The following ETFA variants were observed in gnomAD, a reference collection of about 807,000 sequenced individuals.
The protein encoded by ETFA is electron transfer flavoprotein subunit alpha, also known as electron transfer flavoprotein subunit alpha, mitochondrial.
A neutral mutation model predicts 46.2 loss-of-function variants in ETFA; 22 were observed. The ratio of observed to expected loss-of-function variants is 0.48; its 90% CI spans 0.34 to 0.68. The LOEUF (loss-of-function observed/expected upper bound fraction) is 0.68, where lower values mean the gene tolerates loss of function less well. Ranked by LOEUF, ETFA falls within the 30% of genes least tolerant of loss-of-function variation. The pLI, the probability that ETFA is intolerant of heterozygous loss-of-function variation, is 0.01. For synonymous variants in ETFA, 131 were observed against 139.9 expected (o/e 0.94, Z 0.45); for missense variants, 345 against 401.1 (o/e 0.86, Z 1.19).
At chr15:76,288,920 C>CTTCTTTTTT (rs1225461781) in intron 4 of ETFA, among the ~76,000 whole-genome samples, 31 of 110,088 alleles carry the variant, frequency 2.8e-4, no homozygotes, top group African/African-American at 8.0e-4. Flanking sequence ...TCTTCTTCTT[C>CTTCTTTTTT]TTTTTTTTTT....
chr15:76,236,229 C>T (rs1041081378), intron 9 of ETFA, among the ~76,000 whole-genome samples: 4 of 152,170 alleles, frequency 2.6e-5, no homozygotes, highest in African/African-American at 9.7e-5. Flanking sequence ...CATTTTCGCT[C>T]ATCACTGTTA....
intron 9 of ETFA, among the ~76,000 whole-genome samples, chr15:76,238,553 T>A (rs2039150805): frequency 6.6e-6 from 1 of 152,148 alleles, no homozygotes; most frequent in African/African-American, 2.4e-5. Context: ...CTTTTCTCAA[T>A]AGACTACACA....
Position 76,286,427 on chromosome 15 carries a change from C to T in ETFA, c.506G>A (p.Arg169His), listed in dbSNP as rs375660532. ...CDEKVKVFSVRGTSFDAAATS... is the reference protein window; with the variant it reads ...CDEKVKVFSVHGTSFDAAATS... ...TGCTGCAGCATCAAAGGATGTTCCA[C>T]GGACAGAAAACACTTTCACTTTCTC... The change falls in exon 6 of 12, where the codon CGT (arginine) becomes CAT (histidine). Residue 169 changes from arginine (R) to histidine (H), a missense_variant. Physicochemically the swap from Arg to His is conservative, Grantham distance 29. Coordinates refer to ENST00000557943, the MANE Select transcript of ETFA (RefSeq NM_000126.4). 6 of 1,613,610 alleles carry T rather than the reference C, an allele frequency of 3.7e-6. No homozygotes were observed. Among genetic ancestry groups the T allele is most frequent in the Admixed American group, 3.3e-5 (2 of 59,994 alleles).
At chr15:76,222,050 C>T (rs1478405253) in intron 11 of ETFA, among the ~76,000 whole-genome samples, 2 of 151,798 alleles carry the variant, frequency 1.3e-5, no homozygotes, top group Non-Finnish European at 2.9e-5. Context: ...CTAAAAAAGT[C>T]CTTTCTGTAC....
chr15:76,258,378 G>A (rs1217080072), intron 9 of ETFA, among the ~76,000 whole-genome samples: 3 of 151,962 alleles, frequency 2.0e-5, no homozygotes, highest in Admixed American at 2.0e-4. Context: ...TGTGTGACCC[G>A]GTCAGCTGCA....
intron 1 of ETFA, among the ~76,000 whole-genome samples, chr15:76,300,351 T>C: frequency 6.6e-6 from 1 of 152,144 alleles, no homozygotes; most frequent in Non-Finnish European, 1.5e-5. Context: ...CCCATACTGC[T>C]ACTTCTCCAG....
intron 1 of ETFA, among the ~76,000 whole-genome samples, chr15:76,296,987 A>T (rs1363735185): frequency 6.6e-6 from 1 of 152,240 alleles, no homozygotes; most frequent in East Asian, 1.9e-4. Context: ...GGAAAAAATA[A>T]AATCTTGGAA....
chr15:76,227,530 G>GAAAAAAAAAAAAAAAAAAAAAA (rs1567196426), intron 10 of ETFA, among the ~76,000 whole-genome samples: 1 of 44,982 alleles, frequency 2.2e-5, no homozygotes, highest in African/African-American at 7.8e-5. Context: ...AAAAAAAAAG[G>GAAAAAAAAAAAAAAAAAAAAAA]AAAAGCTATC....
intron 9 of ETFA, among the ~76,000 whole-genome samples, chr15:76,238,802 A>C (rs1173022417): frequency 2.0e-5 from 3 of 152,200 alleles, no homozygotes; most frequent in African/African-American, 7.2e-5. Flanking sequence ...AATCCTGTTT[A>C]AGTCTCTTCT....
intron 9 of ETFA, among the ~76,000 whole-genome samples, chr15:76,232,741 C>A (rs960783428): frequency 6.6e-6 from 1 of 152,178 alleles, no homozygotes. Flanking sequence ...CAGGGGCTCA[C>A]TTTTTCCAAT....
intron 1 of ETFA, among the ~76,000 whole-genome samples, chr15:76,307,038 T>C (rs1050485702): frequency 6.6e-5 from 10 of 152,196 alleles, no homozygotes; most frequent in Admixed American, 5.9e-4. Flanking sequence ...ACCAGTTTCA[T>C]AGCTTCTCAG....
At chr15:76,220,241 A>AT (rs1431287020) in intron 11 of ETFA, among the ~76,000 whole-genome samples, 1 of 151,846 alleles carries the variant, frequency 6.6e-6, no homozygotes, top group African/African-American at 2.4e-5. Context: ...TAATTTTTGT[A>AT]TTTTTTGGTA....
rs528044408 is a variant in ETFA at position 76,259,774 on chromosome 15, G to C, written c.816+14638C>G. On this transcript the variant is annotated intron_variant, in intron 9 of 11. Coordinates refer to ENST00000557943, the MANE Select transcript of ETFA (RefSeq NM_000126.4). ...GGTCTCGGTGGATGAAGTTCCGAGA[G>C]CTCAGGTACTCCATGCTGCAGGCAA... The C allele has an allele frequency of 4.4e-6, 7 of 1,601,888 alleles. No homozygotes were observed. In the African/African-American group the frequency reaches 6.7e-5, roughly 15 times the overall value.
At chr15:76,236,006 T>G (rs1261396097) in intron 9 of ETFA, among the ~76,000 whole-genome samples, 1 of 152,210 alleles carries the variant, frequency 6.6e-6, no homozygotes, top group Non-Finnish European at 1.5e-5. Context: ...TTTACAGAAA[T>G]CTAACCAACC....
intron 9 of ETFA, among the ~76,000 whole-genome samples, chr15:76,252,898 T>A: frequency 1.1e-4 from 1 of 8,860 alleles, no homozygotes. Context: ...CACAGAGTAC[T>A]TTTTTTTTTT....
intron 9 of ETFA, among the ~76,000 whole-genome samples, chr15:76,243,633 T>A (rs60017340): frequency 1.3e-5 from 2 of 151,486 alleles, no homozygotes; most frequent in African/African-American, 4.8e-5. Context: ...ACCCCGCCTC[T>A]GCTAAAAATA....
chr15:76,268,638 C>T (rs1012408796), intron 9 of ETFA, among the ~76,000 whole-genome samples: 1 of 152,184 alleles, frequency 6.6e-6, no homozygotes, highest in Non-Finnish European at 1.5e-5. Context: ...TATCATCACC[C>T]CTATTCAGCA....
chr15:76,305,334 T>C (rs1445187513), intron 1 of ETFA, among the ~76,000 whole-genome samples: 1 of 152,236 alleles, frequency 6.6e-6, no homozygotes, highest in African/African-American at 2.4e-5. Context: ...TGGCACACAG[T>C]TGGCACTCAA....
intron 11 of ETFA, among the ~76,000 whole-genome samples, chr15:76,217,294 T>C (rs976356361): frequency 1.3e-5 from 2 of 152,206 alleles, no homozygotes; most frequent in Non-Finnish European, 1.5e-5. Context: ...CCAAAGTCTC[T>C]AGCTTACTGC....
Sources: gnomAD v4.1 joint callset for allele counts (sites outside exome capture counted in the v4.1 genomes callset) on GRCh38, gnomAD v4.1.1 for gene constraint, MANE v1.5 for transcripts, NCBI Gene and HGNC (gene_info 2026-07-23, HGNC 2026-07-21) for gene names.